The following DIP2A variants were observed in gnomAD, a reference collection of about 807,000 sequenced individuals.
The protein encoded by DIP2A is DIP2 acetate--CoA ligase A.
Under a neutral mutation model 177.4 loss-of-function variants are expected in DIP2A, and 85 were observed. The observed-to-expected ratio is 0.48, with a 90% confidence interval of 0.40 to 0.57. The LOEUF is 0.57. Among genes scored for constraint, DIP2A ranks in the 20% least tolerant of loss-of-function variants. The pLI, the probability that DIP2A is intolerant of heterozygous loss-of-function variation, is 0.00. For synonymous variants in DIP2A, 886 were observed against 881.8 expected (o/e 1.00, Z -0.08); for missense variants, 1,791 against 2,100.2 (o/e 0.85, Z 2.88).
chr21:46,503,598 TC>T (rs2057785587), intron 5 of DIP2A, among the ~76,000 whole-genome samples: 1 of 121,664 alleles, frequency 8.2e-6, no homozygotes, highest in Non-Finnish European at 1.7e-5. Flanking sequence ...CTTCCTTCCT[TC>T]CTTCCTTCCT....
chr21:46,488,675 T>C (rs979727171), intron 2 of DIP2A, among the ~76,000 whole-genome samples: 4 of 152,250 alleles, frequency 2.6e-5, no homozygotes, highest in Non-Finnish European at 5.9e-5. Flanking sequence ...TCTAGAACTT[T>C]TTATAACATC....
At chr21:46,526,619 G>A (rs780348780) in intron 8 of DIP2A, among the ~76,000 whole-genome samples, 3 of 151,920 alleles carry the variant, frequency 2.0e-5, no homozygotes, top group Admixed American at 6.6e-5. Flanking sequence ...GGTCTTGAAC[G>A]CCTCAGCTCA....
intron 1 of DIP2A, among the ~76,000 whole-genome samples, chr21:46,481,494 G>A (rs1003541642): frequency 5.3e-5 from 8 of 152,150 alleles, no homozygotes; most frequent in African/African-American, 1.7e-4. Flanking sequence ...TTGCTGGGTC[G>A]TCTGGTGAGT....
chr21:46,582,774 AT>A, the DIP2A span, among the ~76,000 whole-genome samples: 3 of 152,044 alleles, frequency 2.0e-5, no homozygotes, highest in South Asian at 6.2e-4. Context: ...TTTGCTGGTA[AT>A]TTTTTTAACA....
intron 1 of DIP2A, among the ~76,000 whole-genome samples, chr21:46,482,885 T>C (rs1279484922): frequency 1.3e-5 from 2 of 152,226 alleles, no homozygotes; most frequent in Non-Finnish European, 2.9e-5. Context: ...CCTACACACA[T>C]GCACATTTGA....
rs1178813948 is a variant in DIP2A, at chr21:46,533,553, G to T, written c.1335G>T (p.Leu445=). The T allele has an allele frequency of 1.9e-6, 3 of 1,613,958 alleles. No homozygotes were observed. Among genetic ancestry groups the T allele is most frequent in the Non-Finnish European group, 2.5e-6 (3 of 1,179,864 alleles). ...CAGGCAGCCAGCAGGTTGGGTTTCT[G>T]CTGGGCAGCTGTGGAGTCTTCTTGG... The part of the protein sequence containing the change: ...KDAGSQQVGF[L]LGSCGVFLAL... The change falls in exon 11 of 38, where the codon CTG becomes CTT. Residue 445 remains leucine (L), a synonymous_variant. Transcript: ENST00000417564.
intron 6 of DIP2A, among the ~76,000 whole-genome samples, chr21:46,507,052 T>C (rs2058051249): frequency 6.6e-6 from 1 of 151,956 alleles, no homozygotes; most frequent in Non-Finnish European, 1.5e-5. Flanking sequence ...GGGATTACAG[T>C]GTGAGCCACT....
At chr21:46,528,527 C>CTTTTTTTTT (rs1162872343) in intron 8 of DIP2A, among the ~76,000 whole-genome samples, 5 of 29,382 alleles carry the variant, frequency 1.7e-4, no homozygotes, top group African/African-American at 3.1e-4. Context: ...TTTCTGCTTG[C>CTTTTTTTTT]TTTTTTTTTT....
chr21:46,581,995 C>A, the DIP2A span, among the ~76,000 whole-genome samples: 1 of 152,184 alleles, frequency 6.6e-6, no homozygotes, highest in African/African-American at 2.4e-5. Flanking sequence ...ACTGGAGGGA[C>A]TCCTCTTTGT....
In DIP2A at chr21:46,567,414, T is replaced by A. The variant is rs368831850; in HGVS notation, c.4508T>A (p.Leu1503Gln). Residue 1503 changes from leucine to glutamine, a missense_variant, in exon 38 of 38, where the codon CTG (leucine) becomes CAG (glutamine). Leu to Gln is a moderately radical substitution (Grantham distance 113). Transcript: ENST00000417564. ...WTNLLVVVVE[L>Q]DGLEQDALDL... is the part of the protein sequence containing the mutation. The stretch of plus-strand genomic sequence containing the variant: ...AACCTGCTGGTGGTGGTGGTGGAGC[T>A]GGATGGGCTAGAGCAGGATGCCCTG... 6.2e-7 allele frequency: 1 copy of A among 1,613,898 alleles called. No homozygotes were observed. The highest frequency in any genetic ancestry group is 8.5e-7 in the Non-Finnish European group (1 of 1,179,854).
intron 20 of DIP2A, 93 bp downstream of exon 20, chr21:46,546,054 C>T: frequency 1.3e-6 from 2 of 1,590,092 alleles, no homozygotes; most frequent in African/African-American, 2.7e-5. Context: ...CTTGTCCTGG[C>T]CGTTCCTGAC....
At chr21:46,542,094 A>C (rs1256390011) in intron 18 of DIP2A, among the ~76,000 whole-genome samples, 199 bp downstream of exon 18, 1 of 152,216 alleles carries the variant, frequency 6.6e-6, no homozygotes, top group Non-Finnish European at 1.5e-5. Context: ...CAGGCTTCAT[A>C]GTAGTGCTCT....
chr21:46,477,343 A>C (rs532830320), intron 1 of DIP2A, among the ~76,000 whole-genome samples: 18 of 151,608 alleles, frequency 1.2e-4, no homozygotes, highest in Admixed American at 5.9e-4. Context: ...CCTGGTCAAC[A>C]TGGTGAAACC....
intron 9 of DIP2A, among the ~76,000 whole-genome samples, chr21:46,529,871 C>T (rs1256579596): frequency 6.6e-6 from 1 of 152,196 alleles, no homozygotes; most frequent in Non-Finnish European, 1.5e-5. Flanking sequence ...AGGTAACCTC[C>T]TTGTACCTAT....
At position 46,533,890 on chromosome 21, in the gene DIP2A, T is replaced by G. The variant is rs138704285; in HGVS notation, c.1430-114T>G. 5.5e-4 allele frequency: 558 copies of G among 1,020,364 alleles called. 5 individuals are homozygous for G. The East Asian group carries it at 0.01, about 19-fold the overall frequency. The allele number at this position is 1,020,364 out of a possible 1,614,324, so 63.2% of individuals were successfully genotyped here. A position where few individuals can be genotyped will look rare whatever the true frequency, so the allele number is the denominator to read the frequency against. ...TATAAAATGAAATGAGACTAAAACTTGCACTCCTTATTCGCTCAGTAGCTA... is the reference window on the plus strand; with the variant it reads ...TATAAAATGAAATGAGACTAAAACTGGCACTCCTTATTCGCTCAGTAGCTA... On this transcript the variant is annotated intron_variant, in intron 11 of 37. Coordinates refer to ENST00000417564, the MANE Select transcript of DIP2A (RefSeq NM_015151.4).
chr21:46,550,880 A>AGT, intron 23 of DIP2A, 136 bp downstream of exon 23: 1 of 906,800 alleles, frequency 1.1e-6, no homozygotes, highest in Non-Finnish European at 1.7e-6. Flanking sequence ...AGCCAGAGCG[A>AGT]GTGTGCACCC....
Position 46,547,010 on chromosome 21 carries a change from C to T in DIP2A, c.2490C>T (p.Ala830=), listed in dbSNP as rs201247049. 4.2e-5 allele frequency: 67 copies of T among 1,613,956 alleles called. 1 individual carries two copies. The highest frequency in any genetic ancestry group is 3.8e-4 in the East Asian group (17 of 44,884). ...ATGACGTTGTGGCCACCGCACTGGC[C>T]GTGGAGCCCATGAAGTTTGTCTACA... The part of the protein sequence containing the change: ...NADDVVATAL[A]VEPMKFVYRG... Residue 830 remains alanine (A), a synonymous_variant, in exon 21 of 38, where the codon GCC becomes GCT. Transcript: ENST00000417564.
chr21:46,512,393 G>A (rs536082602), intron 8 of DIP2A, among the ~76,000 whole-genome samples: 1 of 152,288 alleles, frequency 6.6e-6, no homozygotes, highest in Non-Finnish European at 1.5e-5. Flanking sequence ...CAGTGCAGCA[G>A]TTTTCACTCC....
the DIP2A span, among the ~76,000 whole-genome samples, chr21:46,576,078 T>C: frequency 2.6e-5 from 4 of 152,182 alleles, no homozygotes; most frequent in Non-Finnish European, 5.9e-5. Flanking sequence ...TCACCATAAA[T>C]ACTAAAGAAA....
Sources: allele counts gnomAD v4.1 joint callset (sites outside exome capture counted in the v4.1 genomes callset), GRCh38; gene constraint gnomAD v4.1.1; transcripts MANE v1.5; gene names NCBI Gene and HGNC (gene_info 2026-07-23, HGNC 2026-07-21).